BCL11A: variants seen among roughly 807,000 people sequenced by gnomAD.
The protein encoded by BCL11A is B cell CLL/lymphoma 11A.
A neutral mutation model predicts 55.9 loss-of-function variants in BCL11A; 2 were observed. The observed-to-expected ratio is 0.04, with a 90% confidence interval of 0.01 to 0.11. BCL11A has a LOEUF of 0.11. Among genes scored for constraint, BCL11A ranks in the 10% least tolerant of loss-of-function variants. BCL11A has a pLI of 1.00. For synonymous variants in BCL11A, 465 were observed against 473.4 expected (o/e 0.98, Z 0.23); for missense variants, 817 against 1,137.1 (o/e 0.72, Z 4.05).
chr2:60,481,347 G>A (rs1030833733), intron 2 of BCL11A, among the ~76,000 whole-genome samples: 5 of 152,086 alleles, frequency 3.3e-5, no homozygotes, highest in African/African-American at 1.2e-4. Flanking sequence ...CCTAGGAAAA[G>A]TAAAAACATT....
intron 2 of BCL11A, among the ~76,000 whole-genome samples, chr2:60,524,047 C>T (rs1034390276): frequency 3.9e-5 from 6 of 152,216 alleles, no homozygotes; most frequent in African/African-American, 1.4e-4. Flanking sequence ...AGACTCCGGA[C>T]CACAGGAACT....
At chr2:60,486,559 C>T (rs1678290420) in intron 2 of BCL11A, among the ~76,000 whole-genome samples, 1 of 152,174 alleles carries the variant, frequency 6.6e-6, no homozygotes, top group Admixed American at 6.5e-5. Flanking sequence ...TTTCCCTATC[C>T]ACAGACCACA....
intron 2 of BCL11A, chr2:60,545,641 G>T: frequency 4.0e-6 from 1 of 250,020 alleles, no homozygotes; most frequent in Non-Finnish European, 7.8e-6. Flanking sequence ...GACAATGGAA[G>T]CTGGACTAGG....
At position 60,553,475 on chromosome 2, in the gene BCL11A, T is replaced by C. The variant is rs1208797236; in HGVS notation, c.-205A>G. 2 of 289,678 alleles carry C rather than the reference T, an allele frequency of 6.9e-6. No individual in the cohort carries two copies. Among genetic ancestry groups the C allele is most frequent in the Non-Finnish European group, 1.1e-5 (2 of 175,084 alleles). The allele number at this position is 289,678 out of a possible 1,614,324, so 17.9% of individuals were successfully genotyped here. A position where few individuals can be genotyped will look rare whatever the true frequency, so the allele number is the denominator to read the frequency against. On this transcript the variant is annotated 5_prime_UTR_variant, in exon 1 of 4. Transcript: ENST00000642384. ...TTGTGGGAGAGCCGTCATGGCTTTT[T>C]TTTAAGCAAAAAAAAAAAAAAAAAA...
At position 60,477,600 on chromosome 2, in the gene BCL11A, T is replaced by TGAAAGAAAGAAAGAAAG. The variant is rs1553407506; in HGVS notation, c.386-8768_386-8767insCTTTCTTTCTTTCTTTC. Among the ~76,000 whole-genome samples the TGAAAGAAAGAAAGAAAG allele has an allele frequency of 6.0e-5, 9 of 150,668 alleles. No homozygotes were observed. In the South Asian group the frequency reaches 8.4e-4, roughly 14 times the overall value. ...ATGTATCCCAGAACTTAGAGTAAAA[T>TGAAAGAAAGAAAGAAAG]AAATAAAGAAAGAAAGAAAGAAAGA... On this transcript the variant is annotated intron_variant, in intron 2 of 3. Coordinates refer to ENST00000642384, the MANE Select transcript of BCL11A (RefSeq NM_022893.4).
At chr2:60,508,333 G>C (rs1326409014) in intron 2 of BCL11A, among the ~76,000 whole-genome samples, 1 of 152,190 alleles carries the variant, frequency 6.6e-6, no homozygotes, top group Non-Finnish European at 1.5e-5. Context: ...AGCTTCCTGG[G>C]TGTGCAGAAT....
At chr2:60,465,859 C>A (rs1199699435) in intron 3 of BCL11A, among the ~76,000 whole-genome samples, 2 of 152,194 alleles carry the variant, frequency 1.3e-5, no homozygotes, top group Non-Finnish European at 2.9e-5. Context: ...ACATTACACA[C>A]CCCGAACGGC....
At chr2:60,512,167 C>A (rs1323818315) in intron 2 of BCL11A, among the ~76,000 whole-genome samples, 1 of 152,136 alleles carries the variant, frequency 6.6e-6, no homozygotes, top group Non-Finnish European at 1.5e-5. Flanking sequence ...TGCTCACCAC[C>A]CCTGGAGAGC....
intron 1 of BCL11A, chr2:60,550,794 C>G (rs1558527917): frequency 5.0e-6 from 2 of 398,832 alleles, no homozygotes; most frequent in South Asian, 2.5e-4. Context: ...CCTTTGAGCC[C>G]CCACTGCATC....
chr2:60,461,394 C>T lies in BCL11A; in HGVS notation c.1518G>A (p.Thr506=), dbSNP rs776613139. The change falls in exon 4 of 4, where the codon ACG becomes ACA. Residue 506 remains threonine (T), a synonymous_variant. Transcript: ENST00000642384. ...AGCCGTAGTCCACCCTCTCGCTCTC[C>T]GTCAGCTCCTCCTCCTCCTCTTCCT... is the stretch of plus-strand genomic sequence containing the variant. ...EEEEEEEEEL[T]ESERVDYGFG... is the part of the protein sequence containing the mutation. 2 of 1,605,650 alleles carry T rather than the reference C, an allele frequency of 1.2e-6. No individual in the cohort carries two copies. The highest frequency in any genetic ancestry group is 1.7e-6 in the Non-Finnish European group (2 of 1,178,880).
chr2:60,523,439 T>C (rs915142888), intron 2 of BCL11A, among the ~76,000 whole-genome samples: 6 of 152,184 alleles, frequency 3.9e-5, no homozygotes, highest in Admixed American at 6.5e-5. Context: ...TTTCAAAAAC[T>C]TCTATATTGA....
chr2:60,532,607 A>G (rs569125444), intron 2 of BCL11A, among the ~76,000 whole-genome samples: 3 of 152,194 alleles, frequency 2.0e-5, no homozygotes, highest in Non-Finnish European at 4.4e-5. Context: ...ATTCCTTGGC[A>G]TAAGGATATG....
rs144679986 is a variant in BCL11A, at chr2:60,507,654, C to T, written c.385+38317G>A. 1.9e-4 allele frequency among the ~76,000 whole-genome samples: 29 copies of T among 152,170 alleles called. No homozygotes were observed. The East Asian group carries it at 5.6e-3, about 30-fold the overall frequency. ...GGGCTGCCTCCGCACCTGAGCTGAGCTTGCTGTCCTAAGTCGGCTACTGCT... is the reference window on the plus strand; with the variant it reads ...GGGCTGCCTCCGCACCTGAGCTGAGTTTGCTGTCCTAAGTCGGCTACTGCT... On this transcript the variant is annotated intron_variant, in intron 2 of 3. Transcript: ENST00000642384.
chr2:60,467,383 G>A (rs1676776806), intron 3 of BCL11A, among the ~76,000 whole-genome samples: 1 of 42,266 alleles, frequency 2.4e-5, no homozygotes, highest in Non-Finnish European at 4.4e-5. Flanking sequence ...TGATGGTGAT[G>A]GTACTGGTGG....
At position 60,460,109 on chromosome 2, in the gene BCL11A, G is replaced by A. The variant is rs1462703006; in HGVS notation, c.*295C>T. On this transcript the variant is annotated 3_prime_UTR_variant, in exon 4 of 4. Transcript: ENST00000642384. ...CACAAGAGAAAGGCTCAAAGTTTGC[G>A]TAAAATGCAATAGTATTGCCCCATA... 12 of 1,125,328 alleles carry A rather than the reference G, an allele frequency of 1.1e-5. No individual in the cohort carries two copies. The highest frequency in any genetic ancestry group is 4.4e-5 in the East Asian group (1 of 22,834). The allele number at this position is 1,125,328 out of a possible 1,614,324, so 69.7% of individuals were successfully genotyped here.
intron 2 of BCL11A, chr2:60,535,588 T>C (rs1669633992): frequency 6.6e-6 from 1 of 152,254 alleles, no homozygotes; most frequent in Non-Finnish European, 1.5e-5. Context: ...ACATCCACTG[T>C]GGTATAAAAA....
rs1268195153 is a variant in BCL11A, at chr2:60,459,346, C to T, written c.*1058G>A. Reference sequence around the variant, plus strand: ...CCTTACTAGTGTATTTAATTGCGTTCCAGGGCTTTTGCACATTACACATTC... The same window carrying T: ...CCTTACTAGTGTATTTAATTGCGTTTCAGGGCTTTTGCACATTACACATTC... On this transcript the variant is annotated 3_prime_UTR_variant, in exon 4 of 4. Transcript: ENST00000642384. 7 of 1,018,884 alleles carry T rather than the reference C, an allele frequency of 6.9e-6. No individual in the cohort carries two copies. Among genetic ancestry groups the T allele is most frequent in the Non-Finnish European group, 8.2e-6 (7 of 849,182 alleles). 63.1% of individuals were successfully genotyped at this position (1,018,884 alleles called of 1,614,324 possible). A position where few individuals can be genotyped will look rare whatever the true frequency, so the allele number is the denominator to read the frequency against.
chr2:60,477,078 G>A (rs914613090), intron 2 of BCL11A, among the ~76,000 whole-genome samples: 1 of 152,080 alleles, frequency 6.6e-6, no homozygotes, highest in African/African-American at 2.4e-5. Context: ...ATGAAGAAAA[G>A]GATGGGAAAT....
chr2:60,551,302 G>A lies in BCL11A; in HGVS notation c.55+1914C>T, dbSNP rs77268911. Among the ~76,000 whole-genome samples the A allele has an allele frequency of 7.2e-3, 1,091 of 152,350 alleles. 3 individuals are homozygous for A. Among genetic ancestry groups the A allele is most frequent in the Non-Finnish European group, 0.011 (765 of 68,040 alleles). On this transcript the variant is annotated intron_variant, in intron 1 of 3. Transcript: ENST00000642384. ...CACCAGCTCTTATACAGACTCACAA[G>A]AACCTCAGACCAAGCCAGGCCTGGG...
Sources: allele counts gnomAD v4.1 joint callset (sites outside exome capture counted in the v4.1 genomes callset), GRCh38; gene constraint gnomAD v4.1.1; transcripts MANE v1.5; gene names NCBI Gene and HGNC (gene_info 2026-07-23, HGNC 2026-07-21).